STIM2: variants seen among roughly 807,000 people sequenced by gnomAD.
The protein encoded by STIM2 is stromal interaction molecule 2.
A neutral mutation model predicts 85.8 loss-of-function variants in STIM2; 31 were observed. That is an observed-to-expected ratio of 0.36 (90% CI 0.27 to 0.49). The LOEUF (loss-of-function observed/expected upper bound fraction) is 0.49. Among genes scored for constraint, STIM2 ranks in the 20% least tolerant of loss-of-function variants. The probability of loss-of-function intolerance (pLI) is 0.98; values close to 1 mark genes in which losing one functional copy is unlikely to be tolerated. For missense variants in STIM2, 841 were observed against 927.6 expected (o/e 0.91, Z 1.21); for synonymous variants, 356 against 331.1 (o/e 1.08, Z -0.82).
intron 1 of STIM2, among the ~76,000 whole-genome samples, chr4:26,881,769 A>G (rs1723024444): frequency 6.6e-6 from 1 of 152,238 alleles, no homozygotes; most frequent in Non-Finnish European, 1.5e-5. Flanking sequence ...ATTGAATGGA[A>G]GATATAAATT....
At chr4:27,021,018 G>A (rs1560243577) in intron 11 of STIM2, 1 of 1,535,982 alleles carries the variant, frequency 6.5e-7, no homozygotes, top group East Asian at 2.4e-5. Context: ...CTTGGGCTCG[G>A]TGCGTGCAAA....
intron 3 of STIM2, among the ~76,000 whole-genome samples, chr4:26,961,281 C>T (rs1726450289): frequency 6.6e-6 from 1 of 152,096 alleles, no homozygotes; most frequent in Non-Finnish European, 1.5e-5. Context: ...AGTAGAAGCT[C>T]CTGTTTGTAG....
At chr4:27,021,318 A>G (rs538354179) in intron 11 of STIM2, 11 of 427,032 alleles carry the variant, frequency 2.6e-5, no homozygotes, top group African/African-American at 2.0e-4. Flanking sequence ...TGGGGTTGCA[A>G]ACAAAGACAG....
intron 1 of STIM2, among the ~76,000 whole-genome samples, chr4:26,879,603 GTAAT>G (rs1722929258): frequency 6.6e-6 from 1 of 152,118 alleles, no homozygotes; most frequent in African/African-American, 2.4e-5. Context: ...ATTATATGTA[GTAAT>G]TATTTGAGGA....
intron 1 of STIM2, among the ~76,000 whole-genome samples, chr4:26,886,676 A>G (rs1723262385): frequency 6.6e-6 from 1 of 152,190 alleles, no homozygotes; most frequent in Non-Finnish European, 1.5e-5. Context: ...TAGATAGATC[A>G]GAGAGGTTGT....
intron 7 of STIM2, among the ~76,000 whole-genome samples, chr4:27,003,868 C>T (rs560690803): frequency 1.4e-3 from 206 of 152,214 alleles, no homozygotes; most frequent in Non-Finnish European, 2.1e-3. Flanking sequence ...CATGCCCCTT[C>T]GTCTGTCTTG....
intron 2 of STIM2, among the ~76,000 whole-genome samples, chr4:26,920,741 A>G (rs1724765261): frequency 6.6e-6 from 1 of 152,166 alleles, no homozygotes; most frequent in South Asian, 2.1e-4. Context: ...TCTCTAGGCC[A>G]GTCTAGATCC....
chr4:26,868,363 T>C (rs1157779543), intron 1 of STIM2, among the ~76,000 whole-genome samples: 1 of 152,238 alleles, frequency 6.6e-6, no homozygotes, highest in Non-Finnish European at 1.5e-5. Flanking sequence ...ATTTTCATTT[T>C]CTCTACCTCT....
chr4:26,973,997 C>CTTCT (rs1727081264), intron 3 of STIM2, among the ~76,000 whole-genome samples: 1 of 151,152 alleles, frequency 6.6e-6, no homozygotes, highest in Non-Finnish European at 1.5e-5. Flanking sequence ...ATGTAACAGC[C>CTTCT]TTGTTTCTTT....
chr4:26,892,528 T>C (rs1011829447), intron 1 of STIM2, among the ~76,000 whole-genome samples: 6 of 151,782 alleles, frequency 4.0e-5, no homozygotes, highest in Non-Finnish European at 5.9e-5. Flanking sequence ...TGAATTTTTT[T>C]GGGGGGGGAC....
Position 26,958,650 on chromosome 4 carries a change from A to G in STIM2, c.397+924A>G, listed in dbSNP as rs1334337614. ...CTTGGGTTGGGGAAGAAAGAAGAAA[A>G]CAATTATGCACTTAAAAGAAAAATA... On this transcript the variant is annotated intron_variant, in intron 3 of 11. Coordinates refer to ENST00000467087, the MANE Select transcript of STIM2 (RefSeq NM_020860.4). Among the ~76,000 whole-genome samples, 6 of 152,108 alleles carry G rather than the reference A, an allele frequency of 3.9e-5. No individual in the cohort carries two copies. In the East Asian group the frequency reaches 7.7e-4, roughly 20 times the overall value.
intron 2 of STIM2, among the ~76,000 whole-genome samples, chr4:26,930,124 G>A (rs1405715131): frequency 2.0e-5 from 3 of 152,180 alleles, no homozygotes; most frequent in Middle Eastern, 3.2e-3. Context: ...AATGTGTGCA[G>A]AATCTGTGAT....
At chr4:26,993,648 C>T (rs933022939) in intron 3 of STIM2, among the ~76,000 whole-genome samples, 13 of 152,104 alleles carry the variant, frequency 8.5e-5, no homozygotes, top group African/African-American at 3.1e-4. Flanking sequence ...AGCATTAACC[C>T]TCAAATTAAA....
chr4:27,019,550 A>G (rs766156075), intron 11 of STIM2: 111 of 1,171,544 alleles, frequency 9.5e-5, no homozygotes, highest in Non-Finnish European at 1.1e-4. Flanking sequence ...AGCAATGTCA[A>G]AGTTTCATAG....
chr4:26,919,809 GT>G (rs1386702961), intron 2 of STIM2, among the ~76,000 whole-genome samples, 175 bp downstream of exon 2: 3 of 151,780 alleles, frequency 2.0e-5, no homozygotes, highest in African/African-American at 7.3e-5. Flanking sequence ...TGGTTTTTCT[GT>G]TTTTCCCCCC....
chr4:26,957,095 T>C (rs1260165343), intron 2 of STIM2, among the ~76,000 whole-genome samples: 1 of 152,170 alleles, frequency 6.6e-6, no homozygotes, highest in Non-Finnish European at 1.5e-5. Context: ...AAAAATGATA[T>C]AGCATTTGGA....
At chr4:26,918,594 T>C (rs1724679052) in intron 1 of STIM2, among the ~76,000 whole-genome samples, 1 of 152,168 alleles carries the variant, frequency 6.6e-6, no homozygotes, top group Non-Finnish European at 1.5e-5. Flanking sequence ...AATGTTATTG[T>C]AGTGACTTGA....
At chr4:26,954,646 T>A (rs1454331329) in intron 2 of STIM2, among the ~76,000 whole-genome samples, 1 of 148,384 alleles carries the variant, frequency 6.7e-6, no homozygotes, top group Non-Finnish European at 1.5e-5. Context: ...TTTAATAAAG[T>A]TTTTGAAAAG....
At chr4:26,934,061 G>T (rs1003747356) in intron 2 of STIM2, among the ~76,000 whole-genome samples, 5 of 152,072 alleles carry the variant, frequency 3.3e-5, no homozygotes, top group Non-Finnish European at 7.4e-5. Flanking sequence ...GGGCGTGGTG[G>T]CACGCGCCTG....
Sources: allele counts gnomAD v4.1 joint callset (sites outside exome capture counted in the v4.1 genomes callset), GRCh38; gene constraint gnomAD v4.1.1; transcripts MANE v1.5; gene names NCBI Gene and HGNC (gene_info 2026-07-23, HGNC 2026-07-21).